The following SGCD variants were observed in gnomAD, a reference collection of about 807,000 sequenced individuals.
SGCD encodes delta-sarcoglycan.
Under a neutral mutation model 36.6 loss-of-function variants are expected in SGCD, and 18 were observed. The observed-to-expected ratio is 0.49, with a 90% CI of 0.34 to 0.73. The LOEUF (loss-of-function observed/expected upper bound fraction) is 0.73. Ranked by LOEUF, SGCD falls within the 30% of genes least tolerant of loss-of-function variation. The pLI is 0.01. For missense variants in SGCD, 387 were observed against 346.7 expected, an observed-to-expected ratio of 1.12 and a Z score of -0.92; for synonymous variants, 133 against 130.6, an observed-to-expected ratio of 1.02 and a Z score of -0.12.
At chr5:155,840,270 G>A in the SGCD span, among the ~76,000 whole-genome samples, 1 of 149,938 alleles carries the variant, frequency 6.7e-6, no homozygotes, top group East Asian at 2.0e-4. Flanking sequence ...TTGAGCCGGA[G>A]TCTTGCTCTG....
At chr5:156,526,879 C>T (rs1213470977) in intron 4 of SGCD, among the ~76,000 whole-genome samples, 10 of 152,156 alleles carry the variant, frequency 6.6e-5, no homozygotes, top group Admixed American at 6.5e-4. Context: ...GATAAATTGA[C>T]TGTGCGTGCT....
chr5:156,161,447 C>G (rs1763085505), intron 3 of SGCD, among the ~76,000 whole-genome samples: 1 of 151,804 alleles, frequency 6.6e-6, no homozygotes, highest in Non-Finnish European at 1.5e-5. Context: ...AGTCACAGGA[C>G]TAAGAACTAT....
At chr5:156,555,036 G>A (rs1758964774) in intron 4 of SGCD, among the ~76,000 whole-genome samples, 1 of 151,808 alleles carries the variant, frequency 6.6e-6, no homozygotes, top group Non-Finnish European at 1.5e-5. Flanking sequence ...TATCTTCTTT[G>A]AAGAAATGTT....
the SGCD span, among the ~76,000 whole-genome samples, chr5:155,745,422 G>A: frequency 6.6e-6 from 1 of 152,010 alleles, no homozygotes; most frequent in African/African-American, 2.4e-5. Flanking sequence ...CTATAATCTG[G>A]CCATTTGTCT....
Position 156,595,908 on chromosome 5 carries a change from G to A in SGCD, c.502+857G>A, listed in dbSNP as rs562157961. Among the ~76,000 whole-genome samples the A allele has an allele frequency of 7.9e-5, 12 of 152,306 alleles. No homozygotes were observed. In the South Asian group the frequency reaches 1.9e-3, roughly 24 times the overall value. On this transcript the variant is annotated intron_variant, in intron 6 of 8. Coordinates refer to ENST00000337851, the MANE Select transcript of SGCD (RefSeq NM_000337.6). ...TATTGAATTTGAGCACATAGCAAAT[G>A]AATCTTTTATGGCTGTATGCTGAAA... is the stretch of plus-strand genomic sequence containing the variant.
Position 156,217,390 on chromosome 5 carries a change from C to T in SGCD, c.-44+93371C>T, listed in dbSNP as rs555299810. ...TCTAAGAATTACATTATTATCATAC[C>T]TCTATAGATCACCAAGGAGTTATAC... On this transcript the variant is annotated intron_variant, in intron 3 of 9. Coordinates refer to the SGCD transcript ENST00000517913. 3.3e-5 allele frequency among the ~76,000 whole-genome samples: 5 copies of T among 152,202 alleles called. No homozygotes were observed. The South Asian group carries it at 1.0e-3, about 32-fold the overall frequency.
chr5:156,188,719 G>T (rs144039757), intron 3 of SGCD, among the ~76,000 whole-genome samples: 2 of 143,658 alleles, frequency 1.4e-5, no homozygotes. Context: ...ACAAGATGAA[G>T]TTGAAGTTCC....
At chr5:156,414,292 G>C (rs1580954142) in intron 3 of SGCD, among the ~76,000 whole-genome samples, 1 of 152,132 alleles carries the variant, frequency 6.6e-6, no homozygotes, top group African/African-American at 2.4e-5. Flanking sequence ...TTGATTTCCT[G>C]TTTCTTGAAA....
chr5:156,528,194 T>A (rs1757721580), intron 4 of SGCD, among the ~76,000 whole-genome samples: 2 of 152,226 alleles, frequency 1.3e-5, no homozygotes, highest in African/African-American at 4.8e-5. Context: ...ACTAGCCTTG[T>A]AACTTTAAGC....
At chr5:156,620,883 G>A (rs1762217095) in intron 6 of SGCD, among the ~76,000 whole-genome samples, 1 of 152,196 alleles carries the variant, frequency 6.6e-6, no homozygotes, top group Non-Finnish European at 1.5e-5. Context: ...TACTGTGCAG[G>A]ATGTGGTGGA....
intron 3 of SGCD, among the ~76,000 whole-genome samples, chr5:156,348,483 A>T (rs1226007626): frequency 6.6e-6 from 1 of 152,192 alleles, no homozygotes; most frequent in Non-Finnish European, 1.5e-5. Context: ...TGAGAAATTA[A>T]GCACTCAATC....
rs538183873 is a variant in SGCD at position 156,049,100 on chromosome 5, G to C, written c.-281-68778G>C. ...ATAGGGAATCCTTTTCCCATTTCTTGTTTTTGTCAGGTTTGTCAAAGATCA... is the reference window on the plus strand; with the variant it reads ...ATAGGGAATCCTTTTCCCATTTCTTCTTTTTGTCAGGTTTGTCAAAGATCA... On this transcript the variant is annotated intron_variant, in intron 1 of 9. Transcript: ENST00000517913. Among the ~76,000 whole-genome samples the C allele has an allele frequency of 5.0e-3, 736 of 146,396 alleles. 53 individuals carry two copies. The highest frequency in any genetic ancestry group is 0.016 in the African/African-American group (644 of 40,754).
chr5:156,062,037 G>A (rs1290900776), intron 1 of SGCD, among the ~76,000 whole-genome samples: 1 of 84,496 alleles, frequency 1.2e-5, no homozygotes, highest in African/African-American at 6.6e-5. Context: ...ACCCACTAAT[G>A]TGTCATCTAG....
chr5:156,153,083 T>C (rs868150290), intron 3 of SGCD, among the ~76,000 whole-genome samples: 1 of 151,668 alleles, frequency 6.6e-6, no homozygotes, highest in Non-Finnish European at 1.5e-5. Flanking sequence ...TCTTAGGTGA[T>C]CATAGCTAAC....
intron 1 of SGCD, among the ~76,000 whole-genome samples, chr5:156,072,942 A>C (rs1338811187): frequency 9.2e-5 from 14 of 152,072 alleles, no homozygotes; most frequent in Admixed American, 5.2e-4. Context: ...AGGCTTCTGC[A>C]TTCTTCACGT....
At chr5:156,232,503 T>A (rs1561576457) in intron 3 of SGCD, among the ~76,000 whole-genome samples, 1 of 152,220 alleles carries the variant, frequency 6.6e-6, no homozygotes, top group Non-Finnish European at 1.5e-5. Flanking sequence ...TTTCACACTC[T>A]ATCTGGTGAC....
chr5:156,748,270 G>A (rs1348793727), intron 7 of SGCD, among the ~76,000 whole-genome samples: 1 of 152,108 alleles, frequency 6.6e-6, no homozygotes, highest in African/African-American at 2.4e-5. Context: ...TACTGGTGTT[G>A]GATGCGATGG....
chr5:156,413,854 T>TA (rs1399403383), intron 3 of SGCD, among the ~76,000 whole-genome samples: 2 of 151,860 alleles, frequency 1.3e-5, no homozygotes, highest in African/African-American at 4.8e-5. Flanking sequence ...TTTTTTTTTT[T>TA]ATTTTTGGAG....
chr5:155,844,878 A>T, the SGCD span, among the ~76,000 whole-genome samples: 1 of 152,148 alleles, frequency 6.6e-6, no homozygotes, highest in Non-Finnish European at 1.5e-5. Context: ...TGCTTCCATC[A>T]TCTTTTTTTA....
Sources: allele counts gnomAD v4.1 joint callset (sites outside exome capture counted in the v4.1 genomes callset), GRCh38; gene constraint gnomAD v4.1.1; transcripts MANE v1.5; gene names NCBI Gene and HGNC (gene_info 2026-07-23, HGNC 2026-07-21).